CRB2: variants seen among roughly 807,000 people sequenced by gnomAD.
CRB2 encodes the protein protein crumbs homolog 2.
CRB2 carries 85 observed loss-of-function variants against 110.9 expected under a neutral mutation model. That is an observed-to-expected ratio of 0.77 (90% CI 0.64 to 0.92). CRB2 has a LOEUF of 0.92. CRB2 is among the 40% of genes least tolerant of loss of function. The pLI, the probability that CRB2 is intolerant of heterozygous loss-of-function variation, is 0.00. For synonymous variants in CRB2, 907 were observed against 831.0 expected, an observed-to-expected ratio of 1.09 and a Z score of -1.57; for missense variants, 1,843 against 1,851.3, an observed-to-expected ratio of 1.00 and a Z score of 0.08.
intron 2 of CRB2, 24 bp downstream of exon 2, chr9:123,363,212 A>C: frequency 6.3e-7 from 1 of 1,576,486 alleles, no homozygotes; most frequent in Non-Finnish European, 8.6e-7. Flanking sequence ...CCGCCCTGGG[A>C]GGAGGTCTGT....
intron 6 of CRB2, chr9:123,368,793 T>C: frequency 8.4e-7 from 1 of 1,190,158 alleles, no homozygotes; most frequent in Non-Finnish European, 1.1e-6. Context: ...CTGAGCAGGC[T>C]CCGAAGGAGG....
chr9:123,369,033 G>A (rs1325922971), intron 6 of CRB2: 27 of 1,020,982 alleles, frequency 2.6e-5, no homozygotes, highest in Non-Finnish European at 3.3e-5. Context: ...AGCTGATCGA[G>A]GCTGGGCTTC....
At chr9:123,361,337 T>A (rs7021509) in intron 1 of CRB2, among the ~76,000 whole-genome samples, 1 of 151,954 alleles carries the variant, frequency 6.6e-6, no homozygotes, top group Admixed American at 6.5e-5. Context: ...AACACCTCCA[T>A]GAGATGGGCA....
At chr9:123,358,502 C>T (rs1588201814) in intron 1 of CRB2, among the ~76,000 whole-genome samples, 1 of 152,234 alleles carries the variant, frequency 6.6e-6, no homozygotes, top group Admixed American at 6.5e-5. Flanking sequence ...ACACATTCAA[C>T]CCAATGTCAG....
upstream of CRB2, among the ~76,000 whole-genome samples, chr9:123,355,171 G>A (rs550934954): frequency 5.3e-5 from 8 of 152,222 alleles, no homozygotes; most frequent in Non-Finnish European, 4.4e-5. Flanking sequence ...CTATGTTGTA[G>A]TGTCTCTGAG....
At position 123,373,379 on chromosome 9, in the gene CRB2, C is replaced by G; in HGVS notation, c.2848C>G (p.Arg950Gly). The part of the protein sequence containing the change: ...PGAVLPIPGP[R>G]VADGAWHRVR... ...CGCTGTGCTGCCCATACCGGGGCCG[C>G]GCGTGGCCGATGGTGCCTGGCACCG... The change falls in exon 10 of 13, where the codon CGC becomes GGC. Residue 950 changes from arginine to glycine, a missense_variant. Physicochemically the swap from Arg to Gly is moderately radical, Grantham distance 125 (BLOSUM62 -2). Coordinates refer to ENST00000373631, the MANE Select transcript of CRB2 (RefSeq NM_173689.7). 1 of 1,432,270 alleles carries G rather than the reference C, an allele frequency of 7.0e-7. No homozygotes were observed. The highest frequency in any genetic ancestry group is 1.4e-5 in the South Asian group (1 of 72,416). 88.7% of individuals were successfully genotyped at this position (1,432,270 alleles called of 1,614,324 possible). A position where few individuals can be genotyped will look rare whatever the true frequency, so the allele number is the denominator to read the frequency against.
chr9:123,365,524 G>A (rs2041918582), intron 2 of CRB2, among the ~76,000 whole-genome samples: 1 of 152,136 alleles, frequency 6.6e-6, no homozygotes, highest in Non-Finnish European at 1.5e-5. Flanking sequence ...GCTGCCCACA[G>A]TCCCCTATCT....
intron 1 of CRB2, among the ~76,000 whole-genome samples, chr9:123,359,628 T>C (rs935029814): frequency 2.6e-5 from 4 of 151,912 alleles, no homozygotes; most frequent in Admixed American, 1.3e-4. Flanking sequence ...CGTTTTGTTT[T>C]CATAGAGCCA....
At chr9:123,358,602 A>G (rs569810479) in intron 1 of CRB2, among the ~76,000 whole-genome samples, 161 of 152,312 alleles carry the variant, frequency 1.1e-3, no homozygotes, top group African/African-American at 3.4e-3. Flanking sequence ...GCTATTATTA[A>G]CGAGGTCTAA....
At chr9:123,374,525 G>A in intron 10 of CRB2, 54 bp from the exon 11 acceptor site, 1 of 1,323,862 alleles carries the variant, frequency 7.6e-7, no homozygotes, top group Non-Finnish European at 1.1e-6. Flanking sequence ...ACAGCGCTGG[G>A]GAGGGCAGGT....
Position 123,371,249 on chromosome 9 carries a change from G to A in CRB2, c.2107G>A (p.Gly703Ser), listed in dbSNP as rs2042011780. The change falls in exon 8 of 13, where the codon GGT (glycine) becomes AGT (serine). Residue 703 changes from glycine to serine, a missense_variant. Gly to Ser is a moderately conservative substitution (Grantham distance 56, BLOSUM62 0). Coordinates refer to ENST00000373631, the MANE Select transcript of CRB2 (RefSeq NM_173689.7). ...TGGCCTAACAGTATTCCTGAGTGAGGGTCGGATCCGGGCTGAGGTGCCGGG... is the reference window on the plus strand; with the variant it reads ...TGGCCTAACAGTATTCCTGAGTGAGAGTCGGATCCGGGCTGAGGTGCCGGG... The part of the protein sequence containing the change: ...AAGLTVFLSE[G>S]RIRAEVPGSP... The A allele has an allele frequency of 6.2e-7, 1 of 1,613,990 alleles. No homozygotes were observed. The highest frequency in any genetic ancestry group is 1.1e-5 in the South Asian group (1 of 91,080).
At chr9:123,354,712 C>A (rs1449557073), upstream of CRB2, among the ~76,000 whole-genome samples, 1 of 152,208 alleles carries the variant, frequency 6.6e-6, no homozygotes, top group Non-Finnish European at 1.5e-5. Context: ...TCCCAGAAAC[C>A]AAGGGGCAAT....
In CRB2 at chr9:123,377,207, T is replaced by A; in HGVS notation, c.*145T>A. 1 of 749,266 alleles carries A rather than the reference T, an allele frequency of 1.3e-6. No individual in the cohort carries two copies. The highest frequency in any genetic ancestry group is 2.1e-6 in the Non-Finnish European group (1 of 474,800). 46.4% of individuals were successfully genotyped at this position (749,266 alleles called of 1,614,324 possible). ...CTCTGCCTCTGCCTCTGCCCCATCC[T>A]GGATGGAGGACGAGGGGAGCAACTC... On this transcript the variant is annotated 3_prime_UTR_variant, in exon 13 of 13. Coordinates refer to ENST00000373631, the MANE Select transcript of CRB2 (RefSeq NM_173689.7).
intron 12 of CRB2, among the ~76,000 whole-genome samples, chr9:123,375,788 G>A (rs148878909): frequency 1.5e-3 from 224 of 151,918 alleles, no homozygotes; most frequent in Non-Finnish European, 2.5e-3. Flanking sequence ...GAGCAGGCTC[G>A]GCCCGCTGTG....
At chr9:123,354,178 T>A (rs935491521), upstream of CRB2, among the ~76,000 whole-genome samples, 3 of 152,202 alleles carry the variant, frequency 2.0e-5, no homozygotes, top group African/African-American at 7.2e-5. Flanking sequence ...CCCGGTGCTG[T>A]CGGGGGAGCC....
chr9:123,357,377 G>T (rs1376413041), intron 1 of CRB2, among the ~76,000 whole-genome samples: 1 of 152,060 alleles, frequency 6.6e-6, no homozygotes, highest in Admixed American at 6.5e-5. Flanking sequence ...GAGGCTGGGG[G>T]AGCCCTCCCT....
At position 123,372,174 on chromosome 9, in the gene CRB2, C is replaced by T; in HGVS notation, c.2437-3C>T. 1 of 1,614,092 alleles carries T rather than the reference C, an allele frequency of 6.2e-7. No individual in the cohort carries two copies. Among genetic ancestry groups the T allele is most frequent in the South Asian group, 1.1e-5 (1 of 91,076 alleles). ...GCCAACCCCTGCCCTGCCTCTCCCA[C>T]AGCCTGACCCCTGTTTCAATGGTGG... On this transcript the variant is annotated splice_region_variant and splice_polypyrimidine_tract_variant and intron_variant, in intron 8 of 12. Transcript: ENST00000373631.
rs769836587 is a variant in CRB2, at chr9:123,373,163, C to A, written c.2632C>A (p.Pro878Thr). ...GGCGGAGGCCACGTTCCGCGAGGGT[C>A]CCCCCGCCGCGTTCAGCGGGCACAA... is the stretch of plus-strand genomic sequence containing the variant. ...CVAEATFREG[P>T]PAAFSGHNAS... The change falls in exon 10 of 13, where the codon CCC (proline) becomes ACC (threonine). Residue 878 changes from proline (P) to threonine (T), a missense_variant. Transcript: ENST00000373631. The A allele has an allele frequency of 3.2e-5, 48 of 1,512,590 alleles. No homozygotes were observed. Among genetic ancestry groups the A allele is most frequent in the Middle Eastern group, 1.8e-4 (1 of 5,642 alleles). The allele number at this position is 1,512,590 out of a possible 1,614,324, so 93.7% of individuals were successfully genotyped here.
chr9:123,364,726 GTCCAGGATGATC>G (rs1213232984), intron 2 of CRB2, among the ~76,000 whole-genome samples: 2 of 152,214 alleles, frequency 1.3e-5, no homozygotes, highest in Non-Finnish European at 2.9e-5. Context: ...TGACACGTGA[GTCCAGGATGATC>G]TCAGGCAGCG....
Sources: gnomAD v4.1 joint callset for allele counts (sites outside exome capture counted in the v4.1 genomes callset) on GRCh38, gnomAD v4.1.1 for gene constraint, MANE v1.5 for transcripts, NCBI Gene and HGNC (gene_info 2026-07-23, HGNC 2026-07-21) for gene names.